The following SOX6 variants were observed in gnomAD, a reference collection of about 807,000 sequenced individuals.
The protein encoded by SOX6 is transcription factor SOX-6.
Under a neutral mutation model 97.8 loss-of-function variants are expected in SOX6, and 11 were observed. The ratio of observed to expected loss-of-function variants is 0.11; its 90% CI spans 0.07 to 0.19. The LOEUF is 0.19. Among genes scored for constraint, SOX6 ranks in the 10% least tolerant of loss-of-function variants. SOX6 has a pLI of 1.00. For synonymous variants in SOX6, 360 were observed against 371.4 expected (o/e 0.97, Z 0.35); for missense variants, 810 against 1,039.5 (o/e 0.78, Z 3.04).
intron 1 of SOX6, among the ~76,000 whole-genome samples, chr11:16,448,918 C>T (rs1471044320): frequency 6.6e-6 from 1 of 152,060 alleles, no homozygotes; most frequent in Non-Finnish European, 1.5e-5. Context: ...ACTTATAAAG[C>T]TGTATATTAA....
At chr11:16,532,887 T>A (rs534789072) in intron 4 of SOX6, among the ~76,000 whole-genome samples, 1 of 152,038 alleles carries the variant, frequency 6.6e-6, no homozygotes, top group East Asian at 1.9e-4. Flanking sequence ...GATATTCTGT[T>A]TATTCTATGG....
At chr11:16,487,282 T>A (rs1044272216) in intron 4 of SOX6, among the ~76,000 whole-genome samples, 3 of 152,172 alleles carry the variant, frequency 2.0e-5, no homozygotes, top group Admixed American at 1.3e-4. Flanking sequence ...GTGCTTTTTT[T>A]AAAAATCTGA....
Position 15,971,786 on chromosome 11 carries a change from A to C in SOX6, c.*1023T>G, listed in dbSNP as rs1262802828. The C allele has an allele frequency of 6.6e-6, 1 of 152,668 alleles. No individual in the cohort carries two copies. The highest frequency in any genetic ancestry group is 2.4e-5 in the African/African-American group (1 of 41,460). The allele number at this position is 152,668 out of a possible 1,614,324, so 9.5% of individuals were successfully genotyped here. On this transcript the variant is annotated 3_prime_UTR_variant, in exon 16 of 16. Coordinates refer to ENST00000683767, the MANE Select transcript of SOX6 (RefSeq NM_001367873.1). The stretch of plus-strand genomic sequence containing the variant: ...GTTCTTCGGGGAAGGAAGGTGAAAA[A>C]CAAGAATTATTAAATTAATGCCACC...
At chr11:16,272,791 C>T (rs1170705675) in intron 3 of SOX6, among the ~76,000 whole-genome samples, 2 of 151,778 alleles carry the variant, frequency 1.3e-5, no homozygotes, top group Non-Finnish European at 3.0e-5. Flanking sequence ...CCTGTCCTCT[C>T]CTGACATTTT....
intron 1 of SOX6, among the ~76,000 whole-genome samples, chr11:16,442,297 T>A (rs1260868122): frequency 6.6e-6 from 1 of 152,178 alleles, no homozygotes; most frequent in Non-Finnish European, 1.5e-5. Flanking sequence ...AAATGAAGTC[T>A]GGAGACTCTG....
At chr11:16,452,546 C>A (rs534658952) in intron 1 of SOX6, among the ~76,000 whole-genome samples, 2 of 152,142 alleles carry the variant, frequency 1.3e-5, no homozygotes, top group East Asian at 1.9e-4. Flanking sequence ...TTTGAGGAAG[C>A]CTCCACTGTT....
At chr11:16,234,009 AAAAAAAAAAAAAGAAAAGAAAAGAAAG>A (rs1270810355) in intron 4 of SOX6, among the ~76,000 whole-genome samples, 2 of 150,714 alleles carry the variant, frequency 1.3e-5, no homozygotes, top group African/African-American at 4.9e-5. Context: ...GCATCTCAAA[AAAAAAAAAAAAAGAAAAGAAAAGAAAG>A]AAAAAGAAAA....
chr11:16,468,178 T>C (rs1458719975), intron 1 of SOX6, among the ~76,000 whole-genome samples: 1 of 152,194 alleles, frequency 6.6e-6, no homozygotes, highest in African/African-American at 2.4e-5. Context: ...TTGACTCTTG[T>C]GCAACTCTAC....
rs561024814 is a variant in SOX6, at chr11:15,969,205, T to C, written c.*3604A>G. 2 of 151,996 alleles carry C rather than the reference T, an allele frequency of 1.3e-5. No homozygotes were observed. Among genetic ancestry groups the C allele is most frequent in the African/African-American group, 4.8e-5 (2 of 41,376 alleles). 9.4% of individuals were successfully genotyped at this position (151,996 alleles called of 1,614,324 possible). Reference sequence around the variant, plus strand: ...TTTTATTTTTGATTTGAAGATACTATGAAATAGGGAGCACCGCAAAAACAA... The same window carrying C: ...TTTTATTTTTGATTTGAAGATACTACGAAATAGGGAGCACCGCAAAAACAA... On this transcript the variant is annotated 3_prime_UTR_variant, in exon 16 of 16. Coordinates refer to ENST00000683767, the MANE Select transcript of SOX6 (RefSeq NM_001367873.1).
At chr11:16,571,364 T>G (rs1473400768) in intron 4 of SOX6, among the ~76,000 whole-genome samples, 3 of 152,238 alleles carry the variant, frequency 2.0e-5, no homozygotes, top group African/African-American at 7.2e-5. Flanking sequence ...TTAATCTGTA[T>G]GAATAACTGT....
intron 3 of SOX6, among the ~76,000 whole-genome samples, chr11:16,705,711 G>C (rs1463096561): frequency 6.6e-6 from 1 of 152,112 alleles, no homozygotes; most frequent in African/African-American, 2.4e-5. Flanking sequence ...GGCAAGAATG[G>C]AGCTTATATA....
At chr11:16,156,857 C>T (rs1163924986) in intron 6 of SOX6, among the ~76,000 whole-genome samples, 1 of 152,016 alleles carries the variant, frequency 6.6e-6, no homozygotes, top group Non-Finnish European at 1.5e-5. Context: ...GTGTAACTAT[C>T]ATCACTCTAT....
At chr11:16,227,288 A>G (rs1291487692) in intron 4 of SOX6, among the ~76,000 whole-genome samples, 1 of 152,358 alleles carries the variant, frequency 6.6e-6, no homozygotes, top group East Asian at 1.9e-4. Context: ...TTAGGAGATC[A>G]TGAAGATAAC....
At position 15,968,643 on chromosome 11, in the gene SOX6, T is replaced by C. The variant is rs2119727745; in HGVS notation, c.*4166A>G. 1 of 152,374 alleles carries C rather than the reference T, an allele frequency of 6.6e-6. No individual in the cohort carries two copies. Among genetic ancestry groups the C allele is most frequent in the African/African-American group, 2.4e-5 (1 of 41,584 alleles). 9.4% of individuals were successfully genotyped at this position (152,374 alleles called of 1,614,324 possible). A position where few individuals can be genotyped will look rare whatever the true frequency, so the allele number is the denominator to read the frequency against. ...GCTTCAGAAGGAAAAGAAAGCAGCC[T>C]TTAATTTCAGCCCTAGAGTGATCAC... On this transcript the variant is annotated 3_prime_UTR_variant, in exon 16 of 16. Coordinates refer to ENST00000683767, the MANE Select transcript of SOX6 (RefSeq NM_001367873.1).
chr11:16,179,502 A>G (rs1055319141), intron 6 of SOX6, among the ~76,000 whole-genome samples: 2 of 151,950 alleles, frequency 1.3e-5, no homozygotes, highest in East Asian at 3.9e-4. Context: ...TTCAACATTT[A>G]AAAGAAAAAG....
At chr11:16,275,950 C>A (rs142194072) in intron 3 of SOX6, among the ~76,000 whole-genome samples, 14 of 152,206 alleles carry the variant, frequency 9.2e-5, no homozygotes, top group African/African-American at 3.4e-4. Context: ...GGAATAAATA[C>A]TATAACAGTT....
chr11:16,250,250 TA>T (rs890666867), intron 3 of SOX6, among the ~76,000 whole-genome samples: 8 of 149,426 alleles, frequency 5.4e-5, no homozygotes, highest in African/African-American at 2.0e-4. Flanking sequence ...TGAGTGCCAT[TA>T]AATTTTATAA....
At chr11:16,543,922 T>C (rs1176392004) in intron 4 of SOX6, among the ~76,000 whole-genome samples, 5 of 152,180 alleles carry the variant, frequency 3.3e-5, no homozygotes, top group Non-Finnish European at 5.9e-5. Flanking sequence ...CATAAACATA[T>C]ATACAAATAT....
At chr11:16,302,601 C>T (rs1311833523) in intron 3 of SOX6, among the ~76,000 whole-genome samples, 1 of 114,804 alleles carries the variant, frequency 8.7e-6, no homozygotes, top group Non-Finnish European at 1.6e-5. Flanking sequence ...GAGGCAGTCT[C>T]GCTCTGTCAC....
Sources: gnomAD v4.1 joint callset for allele counts (sites outside exome capture counted in the v4.1 genomes callset) on GRCh38, gnomAD v4.1.1 for gene constraint, MANE v1.5 for transcripts, NCBI Gene and HGNC (gene_info 2026-07-23, HGNC 2026-07-21) for gene names.